Variants in HEATR9 observed in about 807,000 individuals in gnomAD.
The protein encoded by HEATR9 is HEAT repeat containing 9.
A neutral mutation model predicts 68.2 loss-of-function variants in HEATR9; 54 were observed. The ratio of observed to expected loss-of-function variants is 0.79; its 90% CI spans 0.64 to 0.99. The LOEUF (loss-of-function observed/expected upper bound fraction) is 0.99. HEATR9 is among the 50% of genes least tolerant of loss of function. The pLI is 0.00. For missense variants in HEATR9, 662 were observed against 679.7 expected, an observed-to-expected ratio of 0.97 and a Z score of 0.29; for synonymous variants, 241 against 253.5, an observed-to-expected ratio of 0.95 and a Z score of 0.47.
chr17:35,856,645 T>G (rs1598572704), intron 12 of HEATR9, 87 bp downstream of exon 12: 1 of 1,209,294 alleles, frequency 8.3e-7, no homozygotes, highest in East Asian at 2.5e-5. Flanking sequence ...ACTGACCCTC[T>G]GACCCCTTCC....
At chr17:35,867,308 G>C (rs1433649759) in intron 1 of HEATR9, among the ~76,000 whole-genome samples, 1 of 151,638 alleles carries the variant, frequency 6.6e-6, no homozygotes, top group Non-Finnish European at 1.5e-5. Flanking sequence ...GGTGGTGCAT[G>C]CCTATAGTCC....
intron 9 of HEATR9, 79 bp downstream of exon 9, chr17:35,858,809 G>A (rs1598581570): frequency 2.0e-6 from 3 of 1,504,212 alleles, no homozygotes; most frequent in Non-Finnish European, 2.7e-6. Context: ...TCCACCACCA[G>A]GATGGCAGGA....
chr17:35,868,593 C>T, intron 1 of HEATR9, 62 bp downstream of exon 1: 1 of 1,610,182 alleles, frequency 6.2e-7, no homozygotes, highest in Non-Finnish European at 8.5e-7. Context: ...GAGTGAGAGC[C>T]AGGTAGCATT....
Position 35,856,759 on chromosome 17 carries a change from T to A in HEATR9, c.1199A>T (p.Lys400Met), listed in dbSNP as rs767965771. The A allele has an allele frequency of 1.2e-6, 2 of 1,606,368 alleles. No individual in the cohort carries two copies. Among genetic ancestry groups the A allele is most frequent in the Non-Finnish European group, 1.7e-6 (2 of 1,176,476 alleles). Residue 400 changes from lysine to methionine, a missense_variant, in exon 12 of 15, where the codon AAG becomes ATG. Coordinates refer to ENST00000604834, the MANE Select transcript of HEATR9 (RefSeq NM_152781.4). ...VAQTVEELKL[K>M]PTMMNLVEAQ... ...CTCCACCAAGTTCATCATCGTAGGC[T>A]TCAACTTGAGCTCTTCCACAGTTTG...
rs2087848805 is a variant in HEATR9 at position 35,858,282 on chromosome 17, C to G, written c.1070G>C (p.Gly357Ala). 6.2e-7 allele frequency: 1 copy of G among 1,614,104 alleles called. No individual in the cohort carries two copies. Among genetic ancestry groups the G allele is most frequent in the Non-Finnish European group, 8.5e-7 (1 of 1,180,016 alleles). Residue 357 changes from glycine to alanine, a missense_variant, in exon 11 of 15, where the codon GGG (glycine) becomes GCG (alanine). Coordinates refer to ENST00000604834, the MANE Select transcript of HEATR9 (RefSeq NM_152781.4). ...CCCCTGTGCCTGGATCTGTTCCAGC[C>G]CAATGGTCTTGAGCATTTGGGTGGC... ...FEATQMLKTI[G>A]LEQIQAQGLE...
chr17:35,858,515 A>G lies in HEATR9; in HGVS notation c.950T>C (p.Met317Thr). 1 of 1,607,874 alleles carries G rather than the reference A, an allele frequency of 6.2e-7. No individual in the cohort carries two copies. Among genetic ancestry groups the G allele is most frequent in the Non-Finnish European group, 8.5e-7 (1 of 1,179,150 alleles). ...LKTQRMKALR[M>T]LVKVMHVHSA... Reference sequence around the variant, plus strand: ...GTGCACGTGCATCACCTTGACCAGCATCCTAAGTGCCTATGAGGGGGCAGG... The same window carrying G: ...GTGCACGTGCATCACCTTGACCAGCGTCCTAAGTGCCTATGAGGGGGCAGG... Residue 317 changes from methionine (M) to threonine (T), a missense_variant, in exon 10 of 15, where the codon ATG becomes ACG. Transcript: ENST00000604834.
At chr17:35,856,687 T>C (rs2087785155) in intron 12 of HEATR9, 45 bp downstream of exon 12, 1 of 1,532,028 alleles carries the variant, frequency 6.5e-7, no homozygotes, top group African/African-American at 1.4e-5. Flanking sequence ...TCTGCCCCCT[T>C]CCCACAGCCT....
chr17:35,864,792 G>A lies in HEATR9; in HGVS notation c.419C>T (p.Pro140Leu), dbSNP rs750048931. The stretch of plus-strand genomic sequence containing the variant: ...TTGCCACTTCAGGGGGTCCTGGGTA[G>A]GCTCTAAGGGCCTGGATCGCATCTC... ...KSEMRSRPLE[P>L]TQDPLKWQRL... Residue 140 changes from proline (P) to leucine (L), a missense_variant, in exon 4 of 15, where the codon CCT becomes CTT. By Grantham distance (98) the Pro-to-Leu change is moderately conservative. Coordinates refer to ENST00000604834, the MANE Select transcript of HEATR9 (RefSeq NM_152781.4). 1.9e-6 allele frequency: 3 copies of A among 1,614,166 alleles called. No individual in the cohort carries two copies. Among genetic ancestry groups the A allele is most frequent in the East Asian group, 4.5e-5 (2 of 44,864 alleles).
chr17:35,864,919 G>T (rs1478272921), intron 3 of HEATR9, 29 bp from the exon 4 acceptor site: 1 of 1,614,112 alleles, frequency 6.2e-7, no homozygotes, highest in Non-Finnish European at 8.5e-7. Flanking sequence ...AGGCAGCTTT[G>T]GTCCCTTTGT....
Position 35,859,000 on chromosome 17 carries a change from T to C in HEATR9, c.827A>G (p.Glu276Gly). 6.2e-7 allele frequency: 1 copy of C among 1,614,178 alleles called. No homozygotes were observed. The highest frequency in any genetic ancestry group is 8.5e-7 in the Non-Finnish European group (1 of 1,180,036). Residue 276 changes from glutamate (E) to glycine (G), a missense_variant, in exon 9 of 15, where the codon GAA becomes GGA. Glu to Gly is a moderately conservative substitution (Grantham distance 98). Transcript: ENST00000604834. ...LQTLIKKSSSEASLEAALCLG... is the reference protein window; with the variant it reads ...LQTLIKKSSSGASLEAALCLG... ...GCACAGGGCTGCCTCCAGAGATGCT[T>C]CACTGGACGACTTCTTGATCAGTGT...
Position 35,858,256 on chromosome 17 carries a change from G to A in HEATR9, c.1096C>T (p.Leu366=), listed in dbSNP as rs778311859. Residue 366 remains leucine (L), a synonymous_variant, in exon 11 of 15, where the codon CTA becomes TTA. Coordinates refer to ENST00000604834, the MANE Select transcript of HEATR9 (RefSeq NM_152781.4). ...AGCAGGTTAAATGTGAGTTCCTCTA[G>A]CCCCTGTGCCTGGATCTGTTCCAGC... is the stretch of plus-strand genomic sequence containing the variant. ...IGLEQIQAQG[L]EELTFNLLRR... 1.3e-5 allele frequency: 21 copies of A among 1,614,030 alleles called. No individual in the cohort carries two copies. The Admixed American group carries it at 3.2e-4, about 24-fold the overall frequency.
In HEATR9 at chr17:35,865,307, T is replaced by C; in HGVS notation, c.228A>G (p.Lys76=). 1.4e-6 allele frequency: 2 copies of C among 1,465,560 alleles called. No homozygotes were observed. The highest frequency in any genetic ancestry group is 1.8e-4 in the Middle Eastern group (1 of 5,600). 90.8% of individuals were successfully genotyped at this position (1,465,560 alleles called of 1,614,324 possible). A position where few individuals can be genotyped will look rare whatever the true frequency, so the allele number is the denominator to read the frequency against. ...PNSVPYCYFK[K]PEIYTHWHDL... Reference sequence around the variant, plus strand: ...CGTGCCAGTGCGTGTAGATCTCAGGTTTCTTGAAGTAGCAGTACGGGACTG... The same window carrying C: ...CGTGCCAGTGCGTGTAGATCTCAGGCTTCTTGAAGTAGCAGTACGGGACTG... The change falls in exon 3 of 15, where the codon AAA becomes AAG. Residue 76 remains lysine, a synonymous_variant. Coordinates refer to ENST00000604834, the MANE Select transcript of HEATR9 (RefSeq NM_152781.4).
Position 35,856,820 on chromosome 17 carries a change from A to G in HEATR9, c.1153-15T>C. 1.3e-6 allele frequency: 2 copies of G among 1,593,002 alleles called. No individual in the cohort carries two copies. The highest frequency in any genetic ancestry group is 1.7e-4 in the Middle Eastern group (1 of 6,036). Reference sequence around the variant, plus strand: ...TGCCTCACAGCCTGCAGAGGGATCAAAATGAGTCAACAGAGAGAGGGAATG... The same window carrying G: ...TGCCTCACAGCCTGCAGAGGGATCAGAATGAGTCAACAGAGAGAGGGAATG... On this transcript the variant is annotated splice_polypyrimidine_tract_variant and intron_variant, in intron 11 of 14. Coordinates refer to ENST00000604834, the MANE Select transcript of HEATR9 (RefSeq NM_152781.4).
chr17:35,855,586 A>G (rs943846999), intron 14 of HEATR9, 78 bp downstream of exon 14: 13 of 1,425,042 alleles, frequency 9.1e-6, no homozygotes, highest in Admixed American at 5.0e-5. Context: ...ACAAGGAGCA[A>G]ATGGTGGTGA....
At position 35,865,282 on chromosome 17, in the gene HEATR9, C is replaced by A. The variant is rs1046265812; in HGVS notation, c.253G>T (p.Asp85Tyr). The change falls in exon 3 of 15, where the codon GAC becomes TAC. Residue 85 changes from aspartate (D) to tyrosine (Y), a missense_variant. Asp to Tyr is a radical substitution (Grantham distance 160, BLOSUM62 -3). Coordinates refer to ENST00000604834, the MANE Select transcript of HEATR9 (RefSeq NM_152781.4). Reference protein sequence around the residue: ...KKPEIYTHWHDLYDQREEREA... With the variant: ...KKPEIYTHWHYLYDQREEREA... The stretch of plus-strand genomic sequence containing the variant: ...CTTTCCTCTCGCTGATCATACAGGT[C>A]GTGCCAGTGCGTGTAGATCTCAGGT... The A allele has an allele frequency of 3.7e-6, 6 of 1,613,862 alleles. No individual in the cohort carries two copies. In the African/African-American group the frequency reaches 5.3e-5, roughly 14 times the overall value.
chr17:35,867,208 G>A (rs780377112), intron 1 of HEATR9, among the ~76,000 whole-genome samples: 6 of 151,986 alleles, frequency 3.9e-5, no homozygotes, highest in Non-Finnish European at 5.9e-5. Flanking sequence ...TGCTGAGATC[G>A]CATCACTGCA....
At position 35,865,282 on chromosome 17, in the gene HEATR9, C is replaced by T. The variant is rs1046265812; in HGVS notation, c.253G>A (p.Asp85Asn). 5 of 1,613,978 alleles carry T rather than the reference C, an allele frequency of 3.1e-6. No individual in the cohort carries two copies. The highest frequency in any genetic ancestry group is 3.3e-5 in the Admixed American group (2 of 59,998). Residue 85 changes from aspartate (D) to asparagine (N), a missense_variant, in exon 3 of 15, where the codon GAC becomes AAC. Transcript: ENST00000604834. Reference sequence around the variant, plus strand: ...CTTTCCTCTCGCTGATCATACAGGTCGTGCCAGTGCGTGTAGATCTCAGGT... The same window carrying T: ...CTTTCCTCTCGCTGATCATACAGGTTGTGCCAGTGCGTGTAGATCTCAGGT... ...KKPEIYTHWH[D>N]LYDQREEREA...
At chr17:35,864,360 AC>A (rs1412640327) in intron 5 of HEATR9, 58 bp from the exon 6 acceptor site, 60 of 1,533,940 alleles carry the variant, frequency 3.9e-5, no homozygotes, top group Non-Finnish European at 5.1e-5. Context: ...CCCAGGAGTT[AC>A]CATTCTCTGG....
chr17:35,868,556 G>T, intron 1 of HEATR9, 99 bp downstream of exon 1: 2 of 1,555,422 alleles, frequency 1.3e-6, no homozygotes, highest in Non-Finnish European at 8.7e-7. Flanking sequence ...CCAAGGGTTT[G>T]CTGAACTCAC....
Sources: gnomAD v4.1 joint callset for allele counts (sites outside exome capture counted in the v4.1 genomes callset) on GRCh38, gnomAD v4.1.1 for gene constraint, MANE v1.5 for transcripts, NCBI Gene and HGNC (gene_info 2026-07-23, HGNC 2026-07-21) for gene names.